MACF1: variants seen among roughly 807,000 people sequenced by gnomAD.
The protein encoded by MACF1 is microtubule actin crosslinking factor 1.
Under a neutral mutation model 854.8 loss-of-function variants are expected in MACF1, and 193 were observed. That is an observed-to-expected ratio of 0.23 (90% confidence interval 0.20 to 0.25). The LOEUF is 0.25. Ranked by LOEUF, MACF1 falls within the 10% of genes least tolerant of loss-of-function variation. MACF1 has a pLI of 1.00. For missense variants in MACF1, 7,722 were observed against 8,929.1 expected (o/e 0.86, Z 5.45); for synonymous variants, 3,185 against 3,226.7 (o/e 0.99, Z 0.44).
chr1:39,126,225 A>G (rs1642856945), intron 2 of MACF1, among the ~76,000 whole-genome samples: 1 of 152,200 alleles, frequency 6.6e-6, no homozygotes, highest in South Asian at 2.1e-4. Context: ...GCTGTGAGGG[A>G]GAACCTGTTC....
intron 2 of MACF1, among the ~76,000 whole-genome samples, chr1:39,152,175 A>G (rs1255991790): frequency 6.6e-6 from 1 of 152,034 alleles, no homozygotes; most frequent in Admixed American, 6.6e-5. Flanking sequence ...GGGTTTCACC[A>G]TGTTGGCCAG....
intron 2 of MACF1, among the ~76,000 whole-genome samples, chr1:39,127,322 T>C (rs1642884637): frequency 1.3e-5 from 2 of 152,202 alleles, no homozygotes; most frequent in Admixed American, 1.3e-4. Context: ...GTAGCGTTGG[T>C]GGGAGTTCCT....
At chr1:39,221,635 C>G (rs747681425) in intron 1 of MACF1, among the ~76,000 whole-genome samples, 27 of 152,214 alleles carry the variant, frequency 1.8e-4, no homozygotes, top group African/African-American at 6.0e-4. Flanking sequence ...ATTCCTTACC[C>G]GCCACCACAT....
chr1:39,373,471 AG>A, intron 52 of MACF1: 1 of 114,788 alleles, frequency 8.7e-6, no homozygotes, highest in African/African-American at 3.8e-5. Context: ...ACTCCATCTC[AG>A]GAAAAAAAAA....
intron 58 of MACF1, among the ~76,000 whole-genome samples, chr1:39,390,705 GCTTCAGT>G (rs1641997975): frequency 6.6e-6 from 1 of 152,136 alleles, no homozygotes; most frequent in African/African-American, 2.4e-5. Context: ...CTACAGGTAT[GCTTCAGT>G]TATCCAATTT....
At chr1:39,345,130 T>A (rs1647016524) in intron 40 of MACF1, among the ~76,000 whole-genome samples, 1 of 152,208 alleles carries the variant, frequency 6.6e-6, no homozygotes, top group Admixed American at 6.5e-5. Flanking sequence ...GTGATGGAGA[T>A]CCAGTATAAC....
rs1364015092 is a variant in MACF1 at position 39,477,084 on chromosome 1, TATATATACAC to T, written c.21959-2712_21959-2703del. On this transcript the variant is annotated intron_variant, in intron 97 of 100. Coordinates refer to ENST00000564288, the MANE Select transcript of MACF1 (RefSeq NM_001394062.1). ...ATATATATATATATATATATATATA[TATATATACAC>T]ACACACACATATATACACTTAGTGT... Among the ~76,000 whole-genome samples the T allele has an allele frequency of 7.3e-3, 93 of 12,784 alleles. 11 individuals are homozygous for T. The highest frequency in any genetic ancestry group is 0.023 in the African/African-American group (84 of 3,584). 8.4% of individuals were successfully genotyped at this position (12,784 alleles called of 152,430 possible). A position where few individuals can be genotyped will look rare whatever the true frequency, so the allele number is the denominator to read the frequency against.
chr1:39,315,570 T>C lies in MACF1; in HGVS notation c.3328T>C (p.Cys1110Arg). The change falls in exon 27 of 101, where the codon TGT (cysteine) becomes CGT (arginine). Residue 1110 changes from cysteine (C) to arginine (R), a missense_variant. This residue lies in a region of MACF1 where 1,137 missense variants were observed against 1,263.0 expected (regional missense o/e 0.90). Transcript: ENST00000564288. ...AGACTTGGATGCAGTTTCTATGAAA[T>C]GTGACAGCTTTCTCCATCAGTCTCC... is the stretch of plus-strand genomic sequence containing the variant. ...RSDLDAVSMK[C>R]DSFLHQSPSS... 1 of 1,614,178 alleles carries C rather than the reference T, an allele frequency of 6.2e-7. No individual in the cohort carries two copies. Among genetic ancestry groups the C allele is most frequent in the Non-Finnish European group, 8.5e-7 (1 of 1,180,014 alleles).
At chr1:39,226,624 C>T (rs1010590061) in intron 1 of MACF1, among the ~76,000 whole-genome samples, 1 of 152,086 alleles carries the variant, frequency 6.6e-6, no homozygotes, top group African/African-American at 2.4e-5. Context: ...CAGGTGTGAG[C>T]CACCGCGCCT....
At chr1:39,205,365 G>A (rs1202591037) in intron 1 of MACF1, among the ~76,000 whole-genome samples, 4 of 152,182 alleles carry the variant, frequency 2.6e-5, no homozygotes, top group Non-Finnish European at 5.9e-5. Flanking sequence ...TGTCTGGAGA[G>A]TGCTGGTTAG....
intron 58 of MACF1, among the ~76,000 whole-genome samples, chr1:39,391,507 T>C (rs1388630427): frequency 6.6e-6 from 1 of 152,214 alleles, no homozygotes; most frequent in Non-Finnish European, 1.5e-5. Flanking sequence ...TTCACTGCTG[T>C]CATTTGGTCT....
chr1:39,443,640 A>G, intron 79 of MACF1, 66 bp downstream of exon 79: 1 of 1,462,590 alleles, frequency 6.8e-7, no homozygotes, highest in Non-Finnish European at 9.2e-7. Flanking sequence ...CCAAGTTCAC[A>G]GTCATAATTA....
chr1:39,138,347 G>C (rs1643237176), intron 2 of MACF1, among the ~76,000 whole-genome samples: 1 of 151,904 alleles, frequency 6.6e-6, no homozygotes, highest in African/African-American at 2.4e-5. Flanking sequence ...ACTTTGGGAG[G>C]CCGAGGTGGG....
At chr1:39,484,500 A>G in intron 99 of MACF1, 101 bp from the exon 100 acceptor site, 1 of 1,019,182 alleles carries the variant, frequency 9.8e-7, no homozygotes, top group African/African-American at 1.6e-5. Context: ...TTTGCTTTTC[A>G]ACTAAGCAAA....
chr1:39,239,893 C>T (rs565097558), intron 2 of MACF1, among the ~76,000 whole-genome samples: 2 of 152,206 alleles, frequency 1.3e-5, no homozygotes, highest in East Asian at 3.9e-4. Flanking sequence ...TTACAACCAA[C>T]CCTTCCTTCC....
chr1:39,380,262 G>A lies in MACF1; in HGVS notation c.13537G>A (p.Glu4513Lys), dbSNP rs1650063455. The change falls in exon 55 of 101, where the codon GAA becomes AAA. Residue 4513 changes from glutamate to lysine, a missense_variant. Physicochemically the swap from Glu to Lys is moderately conservative, Grantham distance 56. Around this residue, in one of 15 missense-constraint regions of MACF1, gnomAD observed 2,807 missense variants for 3,235.8 expected, o/e 0.87. Transcript: ENST00000564288. Reference protein sequence around the residue: ...ESNKAFLAELEQNSPKIQKVK... With the variant: ...ESNKAFLAELKQNSPKIQKVK... Reference sequence around the variant, plus strand: ...CTCCTAGGCCTTCCTGGCTGAGTTGGAACAGAATTCTCCAAAAATTCAAAA... The same window carrying A: ...CTCCTAGGCCTTCCTGGCTGAGTTGAAACAGAATTCTCCAAAAATTCAAAA... 6.2e-7 allele frequency: 1 copy of A among 1,613,206 alleles called. No individual in the cohort carries two copies. Among genetic ancestry groups the A allele is most frequent in the Non-Finnish European group, 8.5e-7 (1 of 1,179,694 alleles).
At chr1:39,432,511 A>C in intron 66 of MACF1, 24 bp from the exon 67 acceptor site, 1 of 1,612,032 alleles carries the variant, frequency 6.2e-7, no homozygotes, top group Non-Finnish European at 8.5e-7. Flanking sequence ...TAATTTGTTT[A>C]TTTTTCTTTA....
intron 1 of MACF1, among the ~76,000 whole-genome samples, chr1:39,218,772 T>TTTTTG (rs1491539355): frequency 8.2e-6 from 1 of 121,554 alleles, no homozygotes; most frequent in Non-Finnish European, 1.6e-5. Flanking sequence ...ATAAGGTAAA[T>TTTTTG]TTTTGTTTTG....
chr1:39,341,466 C>T (rs78469472), intron 40 of MACF1, among the ~76,000 whole-genome samples: 12 of 150,456 alleles, frequency 8.0e-5, no homozygotes, highest in Non-Finnish European at 1.0e-4. Flanking sequence ...GAGGCCGAGG[C>T]GGGCAGATCA....
Sources: gnomAD v4.1 joint callset for allele counts (sites outside exome capture counted in the v4.1 genomes callset) on GRCh38, gnomAD v4.1.1 for gene constraint, gnomAD v4.1.1 regional missense constraint, MANE v1.5 for transcripts, NCBI Gene and HGNC (gene_info 2026-07-23, HGNC 2026-07-21) for gene names.